Variants in GUCY1A2 observed in about 807,000 individuals in gnomAD.
The protein encoded by GUCY1A2 is guanylate cyclase 1 soluble subunit alpha 2, also known as guanylate cyclase soluble subunit alpha-2.
In GUCY1A2, 27 loss-of-function variants were observed where a neutral mutation model predicts 63.5. The observed-to-expected ratio is 0.43, with a 90% CI of 0.31 to 0.59. The LOEUF is 0.59. GUCY1A2 is among the 20% of genes least tolerant of loss of function. The probability of loss-of-function intolerance (pLI) is 0.11; values close to 1 mark genes in which losing one functional copy is unlikely to be tolerated. For synonymous variants in GUCY1A2, 364 were observed against 343.5 expected (o/e 1.06, Z -0.66); for missense variants, 768 against 913.3 (o/e 0.84, Z 2.05).
At chr11:106,978,823 C>T (rs1444315062) in intron 2 of GUCY1A2, 83 bp from the exon 3 acceptor site, 14 of 829,526 alleles carry the variant, frequency 1.7e-5, no homozygotes, top group East Asian at 1.5e-4. Flanking sequence ...CACAAGCACA[C>T]GCAGTCTATG....
At chr11:106,991,263 G>T (rs535387699) in intron 1 of GUCY1A2, among the ~76,000 whole-genome samples, 1 of 151,848 alleles carries the variant, frequency 6.6e-6, no homozygotes, top group Admixed American at 6.6e-5. Context: ...TTCTCAATGC[G>T]CTGGGATTAC....
intron 2 of GUCY1A2, among the ~76,000 whole-genome samples, chr11:106,984,484 G>A (rs894669386): frequency 2.0e-5 from 3 of 152,130 alleles, no homozygotes; most frequent in Non-Finnish European, 4.4e-5. Context: ...TAGCAATATA[G>A]TTTGGTTATC....
intron 4 of GUCY1A2, among the ~76,000 whole-genome samples, chr11:106,864,020 T>C (rs1306008461): frequency 1.3e-5 from 2 of 151,994 alleles, no homozygotes; most frequent in Non-Finnish European, 2.9e-5. Flanking sequence ...CTGAAGGAGA[T>C]TTTGGGCATC....
chr11:107,010,718 T>C (rs1248360809), intron 1 of GUCY1A2, among the ~76,000 whole-genome samples: 4 of 152,116 alleles, frequency 2.6e-5, no homozygotes. Flanking sequence ...ATGTATTTAC[T>C]TCTCCTGAGC....
intron 6 of GUCY1A2, among the ~76,000 whole-genome samples, chr11:106,717,435 T>C (rs79731561): frequency 8.9e-4 from 135 of 152,268 alleles, no homozygotes; most frequent in African/African-American, 3.2e-3. Context: ...ATTAAGTAAA[T>C]AGATTTATTC....
chr11:106,721,618 G>A (rs1027759660), intron 6 of GUCY1A2, among the ~76,000 whole-genome samples: 6 of 152,158 alleles, frequency 3.9e-5, no homozygotes, highest in Admixed American at 1.3e-4. Context: ...TACTGAGCAG[G>A]TTGGTTCTTT....
In GUCY1A2 at chr11:106,759,016, T is replaced by C. The variant is rs576877686; in HGVS notation, c.1836+17423A>G. On this transcript the variant is annotated intron_variant, in intron 6 of 7. Coordinates refer to ENST00000526355, the MANE Select transcript of GUCY1A2 (RefSeq NM_000855.3). The stretch of plus-strand genomic sequence containing the variant: ...AGGAGGGGTCTGTTTGGAGTAAGAG[T>C]AGCAAAGTTAAAAGTCAAACAAATG... 1.2e-3 allele frequency among the ~76,000 whole-genome samples: 186 copies of C among 152,040 alleles called. 1 individual carries two copies. The highest frequency in any genetic ancestry group is 2.0e-3 in the Non-Finnish European group (134 of 67,986).
chr11:106,811,366 A>G (rs1858759966), intron 4 of GUCY1A2, among the ~76,000 whole-genome samples: 1 of 152,050 alleles, frequency 6.6e-6, no homozygotes, highest in African/African-American at 2.4e-5. Context: ...AACTATAACT[A>G]TTTGGATTGG....
intron 6 of GUCY1A2, among the ~76,000 whole-genome samples, chr11:106,757,717 T>C (rs1245971298): frequency 1.3e-5 from 2 of 152,204 alleles, no homozygotes; most frequent in Non-Finnish European, 2.9e-5. Context: ...TGATCGTTCC[T>C]CTGGAAGCTT....
At chr11:106,900,085 CAA>C (rs35314878) in intron 4 of GUCY1A2, among the ~76,000 whole-genome samples, 399 of 79,696 alleles carry the variant, frequency 5.0e-3, no homozygotes, top group African/African-American at 0.017. Context: ...GACTCCGTCT[CAA>C]AAAAAAAAAA....
chr11:106,697,111 C>T (rs1346252285), intron 7 of GUCY1A2, among the ~76,000 whole-genome samples: 1 of 152,128 alleles, frequency 6.6e-6, no homozygotes, highest in African/African-American at 2.4e-5. Flanking sequence ...CGTGATCAAA[C>T]ATGTTAGTTT....
chr11:106,735,579 C>T (rs966913336), intron 6 of GUCY1A2, among the ~76,000 whole-genome samples: 5 of 152,098 alleles, frequency 3.3e-5, no homozygotes, highest in Non-Finnish European at 7.4e-5. Flanking sequence ...TTGTGACTAG[C>T]GTTACAATAA....
chr11:106,950,741 C>A (rs1277095290), intron 3 of GUCY1A2, among the ~76,000 whole-genome samples: 3 of 152,172 alleles, frequency 2.0e-5, no homozygotes, highest in African/African-American at 7.2e-5. Flanking sequence ...AGCTGTTAAT[C>A]AATGCCAATG....
chr11:106,781,495 T>A (rs1864462774), intron 5 of GUCY1A2, among the ~76,000 whole-genome samples: 2 of 152,206 alleles, frequency 1.3e-5, no homozygotes, highest in African/African-American at 4.8e-5. Flanking sequence ...AACTTCAGAA[T>A]CAAAATCTTT....
chr11:106,893,746 G>A (rs536043966), intron 4 of GUCY1A2, among the ~76,000 whole-genome samples: 5 of 152,100 alleles, frequency 3.3e-5, no homozygotes, highest in Non-Finnish European at 7.4e-5. Flanking sequence ...TGGAGCAGCA[G>A]CCCACAAGCA....
At chr11:106,755,851 T>C (rs1863964037) in intron 6 of GUCY1A2, among the ~76,000 whole-genome samples, 1 of 152,184 alleles carries the variant, frequency 6.6e-6, no homozygotes, top group African/African-American at 2.4e-5. Flanking sequence ...GTTCTATAGA[T>C]GCCTATTAGG....
In GUCY1A2 at chr11:106,681,768, T is replaced by C. The variant is rs1425605815; in HGVS notation, c.*5781A>G. 9.1e-6 allele frequency: 2 copies of C among 219,374 alleles called. No individual in the cohort carries two copies. Among genetic ancestry groups the C allele is most frequent in the African/African-American group, 2.2e-5 (1 of 44,534 alleles). 13.6% of individuals were successfully genotyped at this position (219,374 alleles called of 1,614,324 possible). A position where few individuals can be genotyped will look rare whatever the true frequency, so the allele number is the denominator to read the frequency against. ...AAAGGCTCTATGAAATGCAAAGAAG[T>C]GCAAGCTTCATATGGCATCATCACC... On this transcript the variant is annotated 3_prime_UTR_variant, in exon 8 of 8. Transcript: ENST00000526355.
intron 6 of GUCY1A2, among the ~76,000 whole-genome samples, chr11:106,747,668 A>G (rs1161608569): frequency 6.6e-6 from 1 of 152,218 alleles, no homozygotes; most frequent in Non-Finnish European, 1.5e-5. Context: ...AAGATAATCA[A>G]TTACAACTGA....
rs545488349 is a variant in GUCY1A2 at position 106,945,180 on chromosome 11, A to C, written c.488-5002T>G. On this transcript the variant is annotated intron_variant, in intron 3 of 7. Coordinates refer to ENST00000526355, the MANE Select transcript of GUCY1A2 (RefSeq NM_000855.3). ...AAAAAAAAAAGAGAGAGAGAGATAA[A>C]GAAGATCTTTTAAGTTGCAAGAGAA... Among the ~76,000 whole-genome samples, 3 of 152,112 alleles carry C rather than the reference A, an allele frequency of 2.0e-5. No individual in the cohort carries two copies. The East Asian group carries it at 5.8e-4, about 29-fold the overall frequency.
Sources: allele counts gnomAD v4.1 joint callset (sites outside exome capture counted in the v4.1 genomes callset), GRCh38; gene constraint gnomAD v4.1.1; transcripts MANE v1.5; gene names NCBI Gene and HGNC (gene_info 2026-07-23, HGNC 2026-07-21).